The following MYOF variants were observed in gnomAD, a reference collection of about 807,000 sequenced individuals.
The protein encoded by MYOF is myoferlin, also known as fer-1-like 3, myoferlin.
MYOF carries 244 observed loss-of-function variants against 284.2 expected under a neutral mutation model. That is an observed-to-expected ratio of 0.86 (90% CI 0.77 to 0.95). The LOEUF (loss-of-function observed/expected upper bound fraction) is 0.95, where lower values mean the gene tolerates loss of function less well. Ranked by LOEUF, MYOF falls within the 40% of genes least tolerant of loss-of-function variation. The pLI is 0.00. For synonymous variants in MYOF, 904 were observed against 919.7 expected, an observed-to-expected ratio of 0.98 and a Z score of 0.31; for missense variants, 2,496 against 2,560.6, an observed-to-expected ratio of 0.97 and a Z score of 0.54.
intron 1 of MYOF, among the ~76,000 whole-genome samples, chr10:93,473,160 G>A (rs1295447492): frequency 3.3e-5 from 5 of 152,196 alleles, no homozygotes; most frequent in African/African-American, 1.2e-4. Flanking sequence ...AAAGAAGGGG[G>A]TTCTTTTAAG....
At position 93,347,680 on chromosome 10, in the gene MYOF, G is replaced by A. The variant is rs748654426; in HGVS notation, c.4186C>T (p.Arg1396Cys). The change falls in exon 37 of 54, where the codon CGC becomes TGC. Residue 1396 changes from arginine (R) to cysteine (C), a missense_variant. Arg to Cys is a radical substitution (Grantham distance 180, BLOSUM62 -3). Coordinates refer to ENST00000359263, the MANE Select transcript of MYOF (RefSeq NM_013451.4). ...GGGTCACAGCGAAAGCGGTCCAGGCGCTCGATGGTGCACTGGCCGACGACA... is the reference window on the plus strand; with the variant it reads ...GGGTCACAGCGAAAGCGGTCCAGGCACTCGATGGTGCACTGGCCGACGACA... ...KPVVGQCTIE[R>C]LDRFRCDPYA... 13 of 1,613,950 alleles carry A rather than the reference G, an allele frequency of 8.1e-6. No homozygotes were observed. Among genetic ancestry groups the A allele is most frequent in the Admixed American group, 6.7e-5 (4 of 59,998 alleles).
chr10:93,334,947 A>AAGC (rs1026920259), intron 41 of MYOF, among the ~76,000 whole-genome samples: 1 of 152,164 alleles, frequency 6.6e-6, no homozygotes, highest in African/African-American at 2.4e-5. Context: ...AAGGATTATA[A>AAGC]AGCAGCAGCA....
intron 36 of MYOF, among the ~76,000 whole-genome samples, chr10:93,349,024 A>T (rs1411224133): frequency 6.6e-6 from 1 of 152,178 alleles, no homozygotes; most frequent in Non-Finnish European, 1.5e-5. Flanking sequence ...GTTCAAGAGC[A>T]CTGTATTGGA....
In MYOF at chr10:93,439,576, C is replaced by T. The variant is rs114102639; in HGVS notation, c.237-8060G>A. 2.8e-3 allele frequency among the ~76,000 whole-genome samples: 431 copies of T among 152,316 alleles called. 1 individual carries two copies. Among genetic ancestry groups the T allele is most frequent in the African/African-American group, 9.7e-3 (404 of 41,574 alleles). On this transcript the variant is annotated intron_variant, in intron 3 of 53. Transcript: ENST00000359263. ...TGATGACTAGGAACGTGGAGGCAGG[C>T]AGGCCTGACTAATTCAGACTCAGGC...
chr10:93,322,488 G>A (rs548117580), intron 48 of MYOF, among the ~76,000 whole-genome samples: 18 of 152,110 alleles, frequency 1.2e-4, no homozygotes, highest in Non-Finnish European at 2.2e-4. Flanking sequence ...ATCTATGATC[G>A]AGGCATATGA....
Position 93,359,848 on chromosome 10 carries a change from A to G in MYOF, c.3105T>C (p.Ala1035=), listed in dbSNP as rs749722348. ...CTTCTCTTACCCTTGCGGTGCTTGAAGCAGTCTGTGTTAAATCTTTCTTGC... is the reference window on the plus strand; with the variant it reads ...CTTCTCTTACCCTTGCGGTGCTTGAGGCAGTCTGTGTTAAATCTTTCTTGC... ...RKRKKDLTQT[A]SSTARAMEEL... Residue 1035 remains alanine, a synonymous_variant, in exon 29 of 54, where the codon GCT becomes GCC. Transcript: ENST00000359263. The G allele has an allele frequency of 2.5e-6, 4 of 1,614,034 alleles. No homozygotes were observed. In the Admixed American group the frequency reaches 5.0e-5, roughly 20 times the overall value.
chr10:93,390,920 C>T (rs1324177072), intron 17 of MYOF, among the ~76,000 whole-genome samples: 1 of 152,088 alleles, frequency 6.6e-6, no homozygotes, highest in Middle Eastern at 3.2e-3. Flanking sequence ...CAAGCCAAAG[C>T]CCACAGAAGT....
chr10:93,312,337 CTCT>C (rs754535267), intron 51 of MYOF, among the ~76,000 whole-genome samples: 1 of 81,442 alleles, frequency 1.2e-5, no homozygotes, highest in Non-Finnish European at 2.7e-5. Context: ...TCTTCCACCT[CTCT>C]TTTTTTTCTT....
At position 93,408,830 on chromosome 10, in the gene MYOF, T is replaced by C. The variant is rs1211921790; in HGVS notation, c.686A>G (p.His229Arg). The C allele has an allele frequency of 3.7e-6, 6 of 1,614,094 alleles. No homozygotes were observed. The African/African-American group carries it at 8.0e-5, about 22-fold the overall frequency. ...VVKVHVCGQT[H>R]RTRIKRGNNP... is the part of the protein sequence containing the mutation. Reference sequence around the variant, plus strand: ...GTTTCCTCTCTTGATTCTTGTTCGGTGTGTCTGGCCACAGACGTGAACTTT... The same window carrying C: ...GTTTCCTCTCTTGATTCTTGTTCGGCGTGTCTGGCCACAGACGTGAACTTT... The change falls in exon 7 of 54, where the codon CAC (histidine) becomes CGC (arginine). Residue 229 changes from histidine to arginine, a missense_variant. Physicochemically the swap from His to Arg is conservative, Grantham distance 29. This residue lies in a region of MYOF where 2,436 missense variants were observed against 2,480.7 expected (regional missense o/e 0.98). Coordinates refer to ENST00000359263, the MANE Select transcript of MYOF (RefSeq NM_013451.4).
chr10:93,369,110 C>CTCTTTTTTTTTTTTTTTTTTTTTT (rs1491460008), intron 25 of MYOF, among the ~76,000 whole-genome samples: 1 of 78,308 alleles, frequency 1.3e-5, no homozygotes, highest in African/African-American at 6.5e-5. Flanking sequence ...ATTCAGACAG[C>CTCTTTTTTTTTTTTTTTTTTTTTT]TTTTTTTTTT....
At chr10:93,385,648 A>G (rs1846327176) in intron 19 of MYOF, among the ~76,000 whole-genome samples, 1 of 152,084 alleles carries the variant, frequency 6.6e-6, no homozygotes, top group South Asian at 2.1e-4. Context: ...TTTCTCTCCT[A>G]TTCTGTAACA....
chr10:93,336,055 C>T lies in MYOF; in HGVS notation c.4438-9G>A, dbSNP rs1467077939. The T allele has an allele frequency of 1.2e-6, 2 of 1,612,236 alleles. No homozygotes were observed. The highest frequency in any genetic ancestry group is 1.1e-5 in the South Asian group (1 of 90,678). On this transcript the variant is annotated splice_polypyrimidine_tract_variant and intron_variant, in intron 40 of 53. Coordinates refer to ENST00000359263, the MANE Select transcript of MYOF (RefSeq NM_013451.4). The stretch of plus-strand genomic sequence containing the variant: ...AGTTCACAATTATATATCTGAAAAC[C>T]ACCAACAGAGTCTTAATTTCTCATT...
intron 1 of MYOF, among the ~76,000 whole-genome samples, chr10:93,478,872 G>A (rs890034314): frequency 1.2e-4 from 18 of 150,076 alleles, no homozygotes; most frequent in Admixed American, 4.6e-4. Context: ...GTTTGAACAC[G>A]AAAAACTGAG....
At chr10:93,308,202 C>T (rs1842210958) in intron 53 of MYOF, among the ~76,000 whole-genome samples, 1 of 150,902 alleles carries the variant, frequency 6.6e-6, no homozygotes, top group African/African-American at 2.4e-5. Flanking sequence ...AAGATTGCGC[C>T]ACTGTACTCC....
chr10:93,315,505 A>G (rs1400244083), intron 50 of MYOF, among the ~76,000 whole-genome samples: 1 of 152,136 alleles, frequency 6.6e-6, no homozygotes, highest in African/African-American at 2.4e-5. Context: ...GAGCTGCTAA[A>G]TAAGTTCCTG....
intron 19 of MYOF, among the ~76,000 whole-genome samples, chr10:93,381,916 A>C (rs1416919747): frequency 2.0e-5 from 3 of 152,108 alleles, no homozygotes; most frequent in African/African-American, 7.2e-5. Context: ...GCACACCTGT[A>C]ATCTCAGCTA....
At position 93,372,999 on chromosome 10, in the gene MYOF, G is replaced by T; in HGVS notation, c.2388C>A (p.Val796=). Reference sequence around the variant, plus strand: ...CATTCTCACCACTGGTGGAGTACAAGACCTGATGTGCGGGAATTCGTGCAT... The same window carrying T: ...CATTCTCACCACTGGTGGAGTACAATACCTGATGTGCGGGAATTCGTGCAT... ...LAYARIPAHQ[V]LYSTSGENAS... Residue 796 remains valine (V), a synonymous_variant, in exon 24 of 54, where the codon GTC becomes GTA. Transcript: ENST00000359263. 6.2e-7 allele frequency: 1 copy of T among 1,614,222 alleles called. No homozygotes were observed. The highest frequency in any genetic ancestry group is 2.2e-5 in the East Asian group (1 of 44,888).
At chr10:93,327,726 T>C (rs1047840572) in intron 45 of MYOF, among the ~76,000 whole-genome samples, 1 of 152,062 alleles carries the variant, frequency 6.6e-6, no homozygotes, top group African/African-American at 2.4e-5. Context: ...TACCAAGTCC[T>C]CTTTAAAATG....
chr10:93,474,278 C>T (rs1045614966), intron 1 of MYOF, among the ~76,000 whole-genome samples: 9 of 152,122 alleles, frequency 5.9e-5, no homozygotes, highest in African/African-American at 2.2e-4. Context: ...TGCGGCCTAG[C>T]GGCTCCCCAA....
Sources: allele counts gnomAD v4.1 joint callset (sites outside exome capture counted in the v4.1 genomes callset), GRCh38; gene constraint gnomAD v4.1.1; regional missense constraint gnomAD v4.1.1; transcripts MANE v1.5; gene names NCBI Gene and HGNC (gene_info 2026-07-23, HGNC 2026-07-21).